The following HARS1 variants were observed in gnomAD, a reference collection of about 807,000 sequenced individuals.
The protein encoded by HARS1 is histidyl-tRNA synthetase 1.
In HARS1, 45 loss-of-function variants were observed where a neutral mutation model predicts 63.6. The observed-to-expected ratio is 0.71, with a 90% CI of 0.56 to 0.91. The LOEUF is 0.91. Among genes scored for constraint, HARS1 ranks in the 40% least tolerant of loss-of-function variants. The pLI is 0.00. For synonymous variants in HARS1, 205 were observed against 247.1 expected (o/e 0.83, Z 1.60); for missense variants, 508 against 643.2 (o/e 0.79, Z 2.27).
chr5:140,682,523 G>A (rs1758783428), intron 3 of HARS1, among the ~76,000 whole-genome samples: 1 of 152,186 alleles, frequency 6.6e-6, no homozygotes, highest in African/African-American at 2.4e-5. Flanking sequence ...CACTGGGTTT[G>A]AAGCAGGTAG....
At position 140,678,038 on chromosome 5, in the gene HARS1, C is replaced by T. The variant is rs112967222; in HGVS notation, c.523-23G>A. ...ATCCTGCAGGGAGAGGGTTAGCCAG[C>T]GGTCTTCAGGGATTCACCTTTCTGA... On this transcript the variant is annotated intron_variant, in intron 5 of 12. Coordinates refer to ENST00000504156, the MANE Select transcript of HARS1 (RefSeq NM_002109.6). 982 of 1,347,254 alleles carry T rather than the reference C, an allele frequency of 7.3e-4. 5 individuals are homozygous for T. In the African/African-American group the frequency reaches 0.013, roughly 17 times the overall value. 83.5% of individuals were successfully genotyped at this position (1,347,254 alleles called of 1,614,324 possible). A position where few individuals can be genotyped will look rare whatever the true frequency, so the allele number is the denominator to read the frequency against.
Position 140,690,841 on chromosome 5 carries a change from A to G in HARS1, c.180+14T>C. 1 of 1,446,038 alleles carries G rather than the reference A, an allele frequency of 6.9e-7. No homozygotes were observed. Among genetic ancestry groups the G allele is most frequent in the South Asian group, 1.1e-5 (1 of 87,726 alleles). 89.6% of individuals were successfully genotyped at this position (1,446,038 alleles called of 1,614,324 possible). A position where few individuals can be genotyped will look rare whatever the true frequency, so the allele number is the denominator to read the frequency against. On this transcript the variant is annotated intron_variant, in intron 2 of 12. Coordinates refer to ENST00000504156, the MANE Select transcript of HARS1 (RefSeq NM_002109.6). ...AGAGACTTTCTCAGTGGCTCCCTAC[A>G]GGAATGATATTACCTTGGGGGTTTT...
chr5:140,679,110 A>G lies in HARS1; in HGVS notation c.414T>C (p.Tyr138=). 3 of 1,614,110 alleles carry G rather than the reference A, an allele frequency of 1.9e-6. No homozygotes were observed. Among genetic ancestry groups the G allele is most frequent in the South Asian group, 1.1e-5 (1 of 91,088 alleles). Residue 138 remains tyrosine (Y), a synonymous_variant, in exon 5 of 13, where the codon TAT becomes TAC. Coordinates refer to ENST00000504156, the MANE Select transcript of HARS1 (RefSeq NM_002109.6). The surrounding 1 kb of genome is among the most constrained non-coding windows in gnomAD (Gnocchi z 4.3). ...TGTTGGTCAGTTTATTCATTGCCAA[A>G]TACCGAGCAAAAGGAACCTGATGAC... The part of the protein sequence containing the change: ...RYDLTVPFAR[Y]LAMNKLTNIK...
chr5:140,690,771 G>A (rs893262250), intron 2 of HARS1, 84 bp downstream of exon 2: 3 of 817,246 alleles, frequency 3.7e-6, no homozygotes, highest in Non-Finnish European at 4.4e-6. Flanking sequence ...CCTCCTCAAT[G>A]ACCTGGTTTA....
Position 140,674,449 on chromosome 5 carries a change from T to G in HARS1, c.1459-121A>C. The G allele has an allele frequency of 3.6e-6, 3 of 839,928 alleles. No homozygotes were observed. In the South Asian group the frequency reaches 4.5e-5, roughly 13 times the overall value. The allele number at this position is 839,928 out of a possible 1,614,324, so 52.0% of individuals were successfully genotyped here. A position where few individuals can be genotyped will look rare whatever the true frequency, so the allele number is the denominator to read the frequency against. ...TCTCAGCTGGGAGCAGGAACCTAAT[T>G]AAACACCTCAGGCTAGAGTGTGCCT... On this transcript the variant is annotated intron_variant, in intron 12 of 12. Coordinates refer to ENST00000504156, the MANE Select transcript of HARS1 (RefSeq NM_002109.6).
chr5:140,681,340 A>G (rs1758719946), intron 3 of HARS1, among the ~76,000 whole-genome samples: 1 of 152,088 alleles, frequency 6.6e-6, no homozygotes, highest in South Asian at 2.1e-4. Flanking sequence ...AGAAGAGAAA[A>G]TTTAGATAGG....
Position 140,679,825 on chromosome 5 carries a change from TG to T in HARS1, c.358del (p.Gln120ArgfsTer22). 6.2e-7 allele frequency: 1 copy of T among 1,610,358 alleles called. No homozygotes were observed. Among genetic ancestry groups the T allele is most frequent in the South Asian group, 1.1e-5 (1 of 90,994 alleles). ...DSKLIYDLKD[Q>X]GGELLSLRYD... ...GCGAAGGGACAGGAGCTCCCCGCCC[TG>T]GTCCTTCAGGTCATAGATAAGCTTG... On this transcript the variant is annotated frameshift_variant, in exon 4 of 13. Transcript: ENST00000504156. LOFTEE classifies it high-confidence loss of function. The surrounding 1 kb of genome is among the most constrained non-coding windows in gnomAD (Gnocchi z 4.3).
intron 3 of HARS1, among the ~76,000 whole-genome samples, chr5:140,680,673 G>C (rs1758669274): frequency 6.6e-6 from 1 of 151,956 alleles, no homozygotes; most frequent in African/African-American, 2.4e-5. Flanking sequence ...GTGAAACCCT[G>C]TCTCTACTAA....
chr5:140,682,139 G>A (rs990404611), intron 3 of HARS1, among the ~76,000 whole-genome samples: 1 of 152,308 alleles, frequency 6.6e-6, no homozygotes, highest in Non-Finnish European at 1.5e-5. Context: ...AGCACTTTGG[G>A]AGGCTGAGGA....
Position 140,675,052 on chromosome 5 carries a change from T to TTA in HARS1, c.1274_1275dup (p.Lys426Ter), listed in dbSNP as rs1346229545. On this transcript the variant is annotated frameshift_variant, in exon 11 of 13. Coordinates refer to ENST00000504156, the MANE Select transcript of HARS1 (RefSeq NM_002109.6). LOFTEE classifies it high-confidence loss of function. Reference sequence around the variant, plus strand: ...GCATCCCACAGTTCTGAGACAAGCTTTAGTCTTTCCTCTAGCAGCTTCTTC... The same window carrying TTA: ...GCATCCCACAGTTCTGAGACAAGCTTTATAGTCTTTCCTCTAGCAGCTTCTTC... 6.2e-7 allele frequency: 1 copy of TTA among 1,613,002 alleles called. No homozygotes were observed. The highest frequency in any genetic ancestry group is 8.5e-7 in the Non-Finnish European group (1 of 1,179,074).
At chr5:140,690,339 C>A (rs909597813) in intron 2 of HARS1, among the ~76,000 whole-genome samples, 1 of 152,100 alleles carries the variant, frequency 6.6e-6, no homozygotes, top group African/African-American at 2.4e-5. Context: ...GTAGTCCCAG[C>A]TACTCAGGAG....
chr5:140,690,255 C>A (rs1759306770), intron 2 of HARS1, among the ~76,000 whole-genome samples: 1 of 152,066 alleles, frequency 6.6e-6, no homozygotes, highest in Non-Finnish European at 1.5e-5. Context: ...AGTTCAAGAC[C>A]ATCCTGGCCA....
At chr5:140,690,803 C>T in intron 2 of HARS1, 52 bp downstream of exon 2, 1 of 1,010,562 alleles carries the variant, frequency 9.9e-7, no homozygotes, top group Non-Finnish European at 1.6e-6. Flanking sequence ...ATAAGCGCCC[C>T]GTGAGTAGAG....
At chr5:140,678,161 C>T (rs1308024578) in intron 5 of HARS1, 146 bp from the exon 6 acceptor site, 6 of 613,964 alleles carry the variant, frequency 9.8e-6, no homozygotes, top group Non-Finnish European at 1.8e-5. Flanking sequence ...AGAGGTAAAC[C>T]CCGGCATCTT....
intron 2 of HARS1, chr5:140,688,050 G>C (rs1236066154): frequency 1.3e-5 from 2 of 152,392 alleles, no homozygotes; most frequent in Admixed American, 1.3e-4. Context: ...GTTGCAGTGA[G>C]CTGAGATCAC....
chr5:140,681,804 T>C (rs1192969488), intron 3 of HARS1, among the ~76,000 whole-genome samples: 2 of 152,220 alleles, frequency 1.3e-5, no homozygotes, highest in African/African-American at 4.8e-5. Flanking sequence ...TCTGGAACTG[T>C]GAGAAAATAA....
chr5:140,684,214 C>T (rs546760357), intron 2 of HARS1: 40 of 288,778 alleles, frequency 1.4e-4, no homozygotes, highest in Non-Finnish European at 1.5e-4. Flanking sequence ...GGCGTGAACC[C>T]GGCAGGTGGA....
intron 2 of HARS1, among the ~76,000 whole-genome samples, chr5:140,690,553 A>G (rs552340036): frequency 6.6e-6 from 1 of 152,332 alleles, no homozygotes; most frequent in Non-Finnish European, 1.5e-5. Flanking sequence ...ACCATGGTAT[A>G]TATTCAGTGC....
chr5:140,683,253 G>A (rs747441641), intron 2 of HARS1, 34 bp from the exon 3 acceptor site: 2 of 1,607,338 alleles, frequency 1.2e-6, no homozygotes, highest in Admixed American at 1.7e-5. Flanking sequence ...AACCAGAAAT[G>A]AGGTTTGAAA....
Sources: allele counts gnomAD v4.1 joint callset (sites outside exome capture counted in the v4.1 genomes callset), GRCh38; gene constraint gnomAD v4.1.1; non-coding constraint Gnocchi (gnomAD v3.1); transcripts MANE v1.5; gene names NCBI Gene and HGNC (gene_info 2026-07-23, HGNC 2026-07-21).